PPFIBP1: variants seen among roughly 807,000 people sequenced by gnomAD.
The protein encoded by PPFIBP1 is PPFIB scaffold protein 1, also known as liprin-beta-1.
Under a neutral mutation model 137.8 loss-of-function variants are expected in PPFIBP1, and 112 were observed. The ratio of observed to expected loss-of-function variants is 0.81; its 90% CI spans 0.70 to 0.95. The LOEUF (loss-of-function observed/expected upper bound fraction) is 0.95, where lower values mean the gene tolerates loss of function less well. Among genes scored for constraint, PPFIBP1 ranks in the 40% least tolerant of loss-of-function variants. The pLI is 0.00. For synonymous variants in PPFIBP1, 378 were observed against 417.3 expected, an observed-to-expected ratio of 0.91 and a Z score of 1.15; for missense variants, 1,083 against 1,196.6, an observed-to-expected ratio of 0.91 and a Z score of 1.40.
chr12:27,674,811 A>ATTTTTTTTTT (rs72418237), intron 17 of PPFIBP1, among the ~76,000 whole-genome samples: 1 of 108,704 alleles, frequency 9.2e-6, no homozygotes. Context: ...CTTTCCCCTG[A>ATTTTTTTTTT]TTTTTTTTTT....
At chr12:27,589,548 G>A (rs1430235869) in intron 2 of PPFIBP1, among the ~76,000 whole-genome samples, 2 of 152,172 alleles carry the variant, frequency 1.3e-5, no homozygotes, top group Non-Finnish European at 2.9e-5. Context: ...ACCTCAGAGG[G>A]TATGGAAAGC....
At chr12:27,675,782 G>T (rs1386124108) in intron 17 of PPFIBP1, among the ~76,000 whole-genome samples, 2 of 152,156 alleles carry the variant, frequency 1.3e-5, no homozygotes, top group Admixed American at 1.3e-4. Context: ...AAGCATCTTT[G>T]TATAAATACT....
intron 2 of PPFIBP1, among the ~76,000 whole-genome samples, chr12:27,620,611 G>A (rs7298086): frequency 0.32 from 48,154 of 151,896 alleles, 8,244 homozygotes; most frequent in Middle Eastern, 0.4. Context: ...AAGAGGATGC[G>A]CTCTGCTGCC....
intron 2 of PPFIBP1, chr12:27,593,739 G>C: frequency 3.0e-6 from 2 of 656,362 alleles, no homozygotes; most frequent in Non-Finnish European, 2.6e-6. Context: ...TATTGAGTCT[G>C]TGTTGTCAGA....
intron 2 of PPFIBP1, among the ~76,000 whole-genome samples, chr12:27,591,378 A>AG (rs963179935): frequency 1.3e-5 from 2 of 152,128 alleles, no homozygotes; most frequent in Non-Finnish European, 2.9e-5. Flanking sequence ...GGCTGAGGGC[A>AG]CCTTCCTCAA....
intron 1 of PPFIBP1, among the ~76,000 whole-genome samples, chr12:27,563,460 GAAAAAAAA>G (rs10607744): frequency 8.4e-6 from 1 of 119,532 alleles, no homozygotes; most frequent in Admixed American, 8.6e-5. Flanking sequence ...CCATCTCAAA[GAAAAAAAA>G]AAAAAAAAAG....
intron 11 of PPFIBP1, among the ~76,000 whole-genome samples, chr12:27,663,112 C>G (rs947869914): frequency 7.2e-5 from 11 of 152,208 alleles, no homozygotes; most frequent in Non-Finnish European, 1.5e-4. Flanking sequence ...GGACTAGCCT[C>G]TTCTCCAGAT....
At chr12:27,584,177 G>A (rs1279088286) in intron 2 of PPFIBP1, 2 of 152,382 alleles carry the variant, frequency 1.3e-5, no homozygotes, top group Middle Eastern at 3.4e-3. Context: ...ACACCCAACA[G>A]CTTTGTAACT....
chr12:27,587,641 A>T (rs977240963), intron 2 of PPFIBP1, among the ~76,000 whole-genome samples: 7 of 151,454 alleles, frequency 4.6e-5, no homozygotes, highest in African/African-American at 1.7e-4. Flanking sequence ...AAAAAAAAAA[A>T]AAGATATTAC....
chr12:27,597,252 C>T (rs1030343011), intron 2 of PPFIBP1, among the ~76,000 whole-genome samples: 1 of 152,156 alleles, frequency 6.6e-6, no homozygotes, highest in Admixed American at 6.5e-5. Context: ...ACTGCAACCT[C>T]CGCCTCCCGG....
At chr12:27,593,820 A>T in intron 2 of PPFIBP1, 1 of 1,247,886 alleles carries the variant, frequency 8.0e-7, no homozygotes, top group Non-Finnish European at 1.1e-6. Context: ...TGAATTTGGT[A>T]TTGTCTCTTC....
chr12:27,557,925 T>G (rs1364389069), intron 1 of PPFIBP1, among the ~76,000 whole-genome samples: 1 of 152,242 alleles, frequency 6.6e-6, no homozygotes, highest in East Asian at 1.9e-4. Context: ...ATTCTCTAGT[T>G]TTGTTTCCTG....
intron 3 of PPFIBP1, 59 bp downstream of exon 3, chr12:27,633,519 T>G: frequency 8.7e-6 from 12 of 1,381,634 alleles, no homozygotes; most frequent in Non-Finnish European, 1.2e-5. Flanking sequence ...CTTGGCTTTT[T>G]CACTACAACT....
At chr12:27,586,721 C>T (rs745679501) in intron 2 of PPFIBP1, among the ~76,000 whole-genome samples, 2 of 151,840 alleles carry the variant, frequency 1.3e-5, no homozygotes, top group Non-Finnish European at 2.9e-5. Flanking sequence ...CCTATAAGAG[C>T]ACCCTCTTTC....
At chr12:27,591,577 T>C (rs2052522439) in intron 2 of PPFIBP1, among the ~76,000 whole-genome samples, 1 of 152,200 alleles carries the variant, frequency 6.6e-6, no homozygotes, top group Non-Finnish European at 1.5e-5. Flanking sequence ...TGGATATCCC[T>C]TGAACAAGTT....
chr12:27,692,053 G>C, intron 28 of PPFIBP1, 125 bp downstream of exon 28: 1 of 804,920 alleles, frequency 1.2e-6, no homozygotes, highest in South Asian at 2.3e-5. Flanking sequence ...GATAATAATA[G>C]TGAACACTTA....
At chr12:27,601,330 G>C (rs1204468408) in intron 2 of PPFIBP1, among the ~76,000 whole-genome samples, 1 of 152,048 alleles carries the variant, frequency 6.6e-6, no homozygotes. Context: ...TATTTATAAC[G>C]ATTATTTTTA....
intron 10 of PPFIBP1, 35 bp downstream of exon 10, chr12:27,658,883 T>C: frequency 6.3e-7 from 1 of 1,582,754 alleles, no homozygotes; most frequent in Non-Finnish European, 8.6e-7. Flanking sequence ...GCCTTTACAT[T>C]CACCAAAAAT....
chr12:27,594,174 A>ATTTTTTTTTTTTTTTTTTTTTTTTT (rs35066032), intron 2 of PPFIBP1: 1 of 139,036 alleles, frequency 7.2e-6, no homozygotes, highest in Non-Finnish European at 1.4e-5. Flanking sequence ...CCCCTTTTCT[A>ATTTTTTTTTTTTTTTTTTTTTTTTT]TTTTTTTTTT....
Sources: allele counts gnomAD v4.1 joint callset (sites outside exome capture counted in the v4.1 genomes callset), GRCh38; gene constraint gnomAD v4.1.1; transcripts MANE v1.5; gene names NCBI Gene and HGNC (gene_info 2026-07-23, HGNC 2026-07-21).